The following CHRNA5 variants were observed in gnomAD, a reference collection of about 807,000 sequenced individuals.
The protein encoded by CHRNA5 is cholinergic receptor nicotinic alpha 5 subunit.
A neutral mutation model predicts 41.2 loss-of-function variants in CHRNA5; 28 were observed. The ratio of observed to expected loss-of-function variants is 0.68; its 90% confidence interval spans 0.50 to 0.93. CHRNA5 has a LOEUF of 0.93. CHRNA5 is among the 40% of genes least tolerant of loss of function. CHRNA5 has a pLI of 0.00. For synonymous variants in CHRNA5, 188 were observed against 205.8 expected (o/e 0.91, Z 0.74); for missense variants, 481 against 581.9 (o/e 0.83, Z 1.78).
rs918892716 is a variant in CHRNA5, at chr15:78,565,671, C to G, written c.-49C>G. The G allele has an allele frequency of 3.8e-5, 26 of 678,566 alleles. No homozygotes were observed. The African/African-American group carries it at 4.8e-4, about 13-fold the overall frequency. 42.0% of individuals were successfully genotyped at this position (678,566 alleles called of 1,614,324 possible). On this transcript the variant is annotated 5_prime_UTR_variant, in exon 1 of 6. Coordinates refer to ENST00000299565, the Ensembl canonical transcript of CHRNA5. ...ATTCCCCAAGAGTTCGCGTTCCCCG[C>G]GCGGCGGTCGAGAGGCGGCTGCCCG...
At chr15:78,590,949 G>A (rs1404144349) in intron 5 of CHRNA5, 2 of 266,836 alleles carry the variant, frequency 7.5e-6, no homozygotes, top group Non-Finnish European at 1.4e-5. Context: ...CTGACCTGAT[G>A]AATTGTTTTA....
At chr15:78,573,344 G>A (rs2052823987) in intron 1 of CHRNA5, among the ~76,000 whole-genome samples, 1 of 152,220 alleles carries the variant, frequency 6.6e-6, no homozygotes, top group African/African-American at 2.4e-5. Context: ...AGTGGCAGGG[G>A]CGCCATTCTC....
At chr15:78,576,896 A>T (rs1319005588) in intron 1 of CHRNA5, among the ~76,000 whole-genome samples, 1 of 152,186 alleles carries the variant, frequency 6.6e-6, no homozygotes, top group African/African-American at 2.4e-5. Flanking sequence ...AGGATGAGCA[A>T]ATATTAACTA....
intron 3 of CHRNA5, 40 bp downstream of exon 3, chr15:78,586,729 TGG>T: frequency 7.2e-7 from 1 of 1,387,972 alleles, no homozygotes; most frequent in Non-Finnish European, 1.0e-6. Context: ...AATTAGTGAC[TGG>T]GACACCTATT....
intron 1 of CHRNA5, among the ~76,000 whole-genome samples, chr15:78,570,422 C>CTTTTTTTTTTTTTTTTTT (rs1567050748): frequency 9.1e-5 from 6 of 66,286 alleles, no homozygotes; most frequent in Non-Finnish European, 1.5e-4. Context: ...CCAATCCCGG[C>CTTTTTTTTTTTTTTTTTT]TATTTTTTTT....
Position 78,588,022 on chromosome 15 carries a change from G to T in CHRNA5, c.304-292G>T, listed in dbSNP as rs1377990848. Among the ~76,000 whole-genome samples the T allele has an allele frequency of 6.6e-6, 1 of 152,156 alleles. No homozygotes were observed. Among genetic ancestry groups the T allele is most frequent in the Non-Finnish European group, 1.5e-5 (1 of 68,032 alleles). On this transcript the variant is annotated intron_variant, in intron 3 of 5. Coordinates refer to ENST00000299565, the Ensembl canonical transcript of CHRNA5. The surrounding 1 kb of genome is among the most constrained non-coding windows in gnomAD (Gnocchi z 4.1). ...TGAACCTGGATATTAAGTGCCTGTG[G>T]CTTCAAGTCCTGGATATAGTCAGTC...
chr15:78,594,319 A>T (rs916135480), exon 6 of CHRNA5: 1 of 152,162 alleles, frequency 6.6e-6, no homozygotes, highest in African/African-American at 2.4e-5. Flanking sequence ...AAATTGTGGT[A>T]GTATCTCTTT....
intron 2 of CHRNA5, 112 bp downstream of exon 2, chr15:78,581,074 C>A: frequency 9.1e-7 from 1 of 1,097,588 alleles, no homozygotes; most frequent in Non-Finnish European, 1.3e-6. Context: ...TGAAGCAGTC[C>A]TTTGCCTGAA....
At chr15:78,593,105 G>T in exon 6 of CHRNA5, 1 of 1,603,724 alleles carries the variant, frequency 6.2e-7, no homozygotes, top group Non-Finnish European at 8.5e-7. Flanking sequence ...GTTGAAGATT[G>T]GAAATTCATA....
chr15:78,573,333 C>T lies in CHRNA5; in HGVS notation c.107-7478C>T, dbSNP rs368922644. Among the ~76,000 whole-genome samples, 6 of 152,212 alleles carry T rather than the reference C, an allele frequency of 3.9e-5. No homozygotes were observed. In the East Asian group the frequency reaches 5.8e-4, roughly 15 times the overall value. On this transcript the variant is annotated intron_variant, in intron 1 of 5. Transcript: ENST00000299565. ...TGGAATATGCAGGTGATGCACTGTG[C>T]AGTGGCAGGGGCGCCATTCTCACTG...
At chr15:78,574,707 C>T (rs1305000610) in intron 1 of CHRNA5, among the ~76,000 whole-genome samples, 1 of 151,950 alleles carries the variant, frequency 6.6e-6, no homozygotes, top group African/African-American at 2.4e-5. Context: ...GGGCCAGACA[C>T]GGTGGCTGAC....
rs760933898 is a variant in CHRNA5, at chr15:78,590,657, A to C, written c.1245+21A>C. The C allele has an allele frequency of 2.6e-6, 4 of 1,558,396 alleles. No homozygotes were observed. The South Asian group carries it at 4.8e-5, about 19-fold the overall frequency. ...GTGAGGTCTGTGATGTGTATTTACA[A>C]ATGCAGATCTTCTTCCATTTTAAGT... On this transcript the variant is annotated intron_variant, in intron 5 of 5. Coordinates refer to ENST00000299565, the Ensembl canonical transcript of CHRNA5.
chr15:78,585,605 A>G (rs2052951827), intron 2 of CHRNA5, among the ~76,000 whole-genome samples: 1 of 152,140 alleles, frequency 6.6e-6, no homozygotes, highest in Admixed American at 6.6e-5. Context: ...TGGAAGAAGT[A>G]TTACTTTAAT....
chr15:78,568,742 C>T (rs113074444), intron 1 of CHRNA5, among the ~76,000 whole-genome samples: 5,419 of 152,238 alleles, frequency 0.036, 327 homozygotes, highest in African/African-American at 0.12. Flanking sequence ...TGTTTGGTGT[C>T]TGTTCCTGTG....
exon 3 of CHRNA5, chr15:78,586,664 T>G: frequency 1.9e-6 from 3 of 1,599,564 alleles, no homozygotes; most frequent in Non-Finnish European, 2.6e-6. Context: ...AATCAGTTAA[T>G]GACAACAAAC....
intron 2 of CHRNA5, 24 bp downstream of exon 2, chr15:78,580,986 G>C (rs2141411115): frequency 3.7e-6 from 6 of 1,604,374 alleles, no homozygotes; most frequent in Non-Finnish European, 5.1e-6. Context: ...TCCTTCTATA[G>C]TCAATTTCCC....
chr15:78,579,752 T>C (rs531689834), intron 1 of CHRNA5, among the ~76,000 whole-genome samples: 3 of 152,132 alleles, frequency 2.0e-5, no homozygotes, highest in Non-Finnish European at 4.4e-5. Flanking sequence ...AACACTCAGT[T>C]CTCAGCTGCC....
exon 6 of CHRNA5, chr15:78,593,335 A>C (rs199881121): frequency 7.3e-7 from 1 of 1,362,844 alleles, no homozygotes; most frequent in African/African-American, 1.5e-5. Context: ...AATGTAAGTT[A>C]TGTGTTAAAT....
intron 1 of CHRNA5, among the ~76,000 whole-genome samples, chr15:78,579,271 T>C (rs2052887924): frequency 6.7e-6 from 1 of 150,150 alleles, no homozygotes; most frequent in Admixed American, 6.7e-5. Context: ...GTTTGTTTTT[T>C]GAGACAGAGT....
Sources: allele counts gnomAD v4.1 joint callset (sites outside exome capture counted in the v4.1 genomes callset), GRCh38; gene constraint gnomAD v4.1.1; non-coding constraint Gnocchi (gnomAD v3.1); transcripts MANE v1.5; gene names NCBI Gene and HGNC (gene_info 2026-07-23, HGNC 2026-07-21).